The following PTPRD variants were observed in gnomAD, a reference collection of about 807,000 sequenced individuals.
PTPRD encodes protein tyrosine phosphatase receptor type D.
Under a neutral mutation model 214.5 loss-of-function variants are expected in PTPRD, and 34 were observed. That is an observed-to-expected ratio of 0.16 (90% CI 0.12 to 0.21). The LOEUF (loss-of-function observed/expected upper bound fraction) is 0.21. Among genes scored for constraint, PTPRD ranks in the 10% least tolerant of loss-of-function variants. The pLI, the probability that PTPRD is intolerant of heterozygous loss-of-function variation, is 1.00. For missense variants in PTPRD, 2,545 were observed against 2,398.7 expected, an observed-to-expected ratio of 1.06 and a Z score of -1.27; for synonymous variants, 1,128 against 845.7, an observed-to-expected ratio of 1.33 and a Z score of -5.79.
At chr9:9,138,227 T>G (rs10119008) in intron 10 of PTPRD, among the ~76,000 whole-genome samples, 8,349 of 151,986 alleles carry the variant, frequency 0.055, 493 homozygotes, top group African/African-American at 0.13. Context: ...AATAGCAAAA[T>G]CAATTATATT....
chr9:10,116,303 A>G (rs1563916020), intron 3 of PTPRD, among the ~76,000 whole-genome samples: 1 of 152,110 alleles, frequency 6.6e-6, no homozygotes, highest in Non-Finnish European at 1.5e-5. Flanking sequence ...GACTAAGTAC[A>G]ATACTAATAT....
intron 7 of PTPRD, among the ~76,000 whole-genome samples, chr9:9,644,288 G>T (rs184230541): frequency 2.0e-5 from 3 of 152,116 alleles, no homozygotes; most frequent in African/African-American, 7.2e-5. Flanking sequence ...ACTGGGAGGG[G>T]AAGAGGAAGG....
At chr9:8,493,611 G>C (rs1054202004) in intron 26 of PTPRD, among the ~76,000 whole-genome samples, 1 of 152,062 alleles carries the variant, frequency 6.6e-6, no homozygotes, top group Non-Finnish European at 1.5e-5. Context: ...CATTTTTATT[G>C]GTTATTTGTA....
At chr9:9,496,749 G>A (rs529451331) in intron 8 of PTPRD, among the ~76,000 whole-genome samples, 142 of 152,184 alleles carry the variant, frequency 9.3e-4, no homozygotes, top group African/African-American at 3.3e-3. Context: ...TCTACTGCTG[G>A]AAATATATCA....
At chr9:9,461,572 T>C (rs1049430176) in intron 8 of PTPRD, among the ~76,000 whole-genome samples, 4 of 152,104 alleles carry the variant, frequency 2.6e-5, no homozygotes, top group Admixed American at 6.6e-5. Flanking sequence ...TTGAGGGTAT[T>C]TGAACCATCT....
intron 6 of PTPRD, among the ~76,000 whole-genome samples, chr9:9,763,887 T>C (rs554857102): frequency 4.6e-5 from 7 of 152,312 alleles, no homozygotes; most frequent in African/African-American, 1.7e-4. Context: ...ATATTATGCA[T>C]TCTTGACGAC....
chr9:9,496,140 C>G lies in PTPRD; in HGVS notation c.-237+78592G>C, dbSNP rs1027035117. Among the ~76,000 whole-genome samples the G allele has an allele frequency of 4.6e-5, 7 of 152,140 alleles. 1 individual carries two copies. Among genetic ancestry groups the G allele is most frequent in the African/African-American group, 1.7e-4 (7 of 41,436 alleles). On this transcript the variant is annotated intron_variant, in intron 8 of 45. Coordinates refer to ENST00000381196, the MANE Select transcript of PTPRD (RefSeq NM_002839.4). ...AAAATCCTGTCTCAATGTGTCACAA[C>G]TTTTGATTTGACAGTGTTTTCTTGG...
At chr9:9,193,799 G>T (rs1213678965) in intron 9 of PTPRD, among the ~76,000 whole-genome samples, 1 of 152,022 alleles carries the variant, frequency 6.6e-6, no homozygotes, top group East Asian at 1.9e-4. Context: ...GAAGGCCTAG[G>T]ACATTACTGT....
At chr9:9,972,675 AG>A (rs1264661507) in intron 4 of PTPRD, among the ~76,000 whole-genome samples, 38 of 152,300 alleles carry the variant, frequency 2.5e-4, no homozygotes, top group African/African-American at 8.7e-4. Flanking sequence ...TCAAGGTGTC[AG>A]CAAAGCTGGT....
chr9:9,783,148 T>A lies in PTPRD; in HGVS notation c.-367-16297A>T, dbSNP rs575094881. ...AAACTTTTCTCCCACGCAACAGTAATTCTTAAAGTTTATTTAGAAAAGTAA... is the reference window on the plus strand; with the variant it reads ...AAACTTTTCTCCCACGCAACAGTAAATCTTAAAGTTTATTTAGAAAAGTAA... On this transcript the variant is annotated intron_variant, in intron 5 of 45. Coordinates refer to ENST00000381196, the MANE Select transcript of PTPRD (RefSeq NM_002839.4). 2.0e-4 allele frequency among the ~76,000 whole-genome samples: 31 copies of A among 152,362 alleles called. 1 individual carries two copies. The highest frequency in any genetic ancestry group is 3.4e-3 in the Middle Eastern group (1 of 294).
chr9:8,899,882 A>C (rs1192824899), intron 11 of PTPRD, among the ~76,000 whole-genome samples: 1 of 152,230 alleles, frequency 6.6e-6, no homozygotes, highest in Non-Finnish European at 1.5e-5. Context: ...AAGAGCAACA[A>C]GTATTTGTTA....
At chr9:10,130,994 G>A (rs73641856) in intron 3 of PTPRD, among the ~76,000 whole-genome samples, 7,008 of 152,132 alleles carry the variant, frequency 0.046, 538 homozygotes, top group African/African-American at 0.16. Context: ...AGCTCTATAA[G>A]CTACCATCAA....
intron 9 of PTPRD, among the ~76,000 whole-genome samples, chr9:9,233,949 A>C (rs2099964845): frequency 1.3e-5 from 2 of 152,040 alleles, no homozygotes; most frequent in Non-Finnish European, 2.9e-5. Context: ...CTGTCAGTGG[A>C]TCTAGCATCC....
chr9:8,722,374 AC>A, intron 12 of PTPRD, among the ~76,000 whole-genome samples: 1 of 152,234 alleles, frequency 6.6e-6, no homozygotes, highest in East Asian at 1.9e-4. Context: ...CTGGTTACTA[AC>A]ACCATGTACT....
At chr9:10,497,513 T>C (rs78867502) in intron 2 of PTPRD, among the ~76,000 whole-genome samples, 1 of 152,058 alleles carries the variant, frequency 6.6e-6, no homozygotes, top group Non-Finnish European at 1.5e-5. Flanking sequence ...TTTTCAGACA[T>C]ATATAAATGT....
intron 11 of PTPRD, among the ~76,000 whole-genome samples, chr9:8,917,463 T>C (rs1163268602): frequency 6.6e-6 from 1 of 152,016 alleles, no homozygotes; most frequent in Non-Finnish European, 1.5e-5. Context: ...TCTATTTTCC[T>C]CTTTGCTCTG....
intron 2 of PTPRD, among the ~76,000 whole-genome samples, chr9:10,542,725 T>C (rs1255842567): frequency 3.3e-5 from 5 of 152,090 alleles, no homozygotes; most frequent in African/African-American, 1.2e-4. Flanking sequence ...AACTAATTTA[T>C]TTATTTTTTT....
intron 5 of PTPRD, among the ~76,000 whole-genome samples, chr9:9,921,453 C>T (rs986742868): frequency 6.6e-6 from 1 of 151,774 alleles, no homozygotes; most frequent in Non-Finnish European, 1.5e-5. Flanking sequence ...CTATGACACT[C>T]ACACATATAA....
At chr9:9,287,835 C>A (rs1378847583) in intron 9 of PTPRD, among the ~76,000 whole-genome samples, 1 of 151,778 alleles carries the variant, frequency 6.6e-6, no homozygotes, top group Admixed American at 6.6e-5. Context: ...CTATAGGAAA[C>A]AACCTTGACA....
Sources: gnomAD v4.1 joint callset for allele counts (sites outside exome capture counted in the v4.1 genomes callset) on GRCh38, gnomAD v4.1.1 for gene constraint, MANE v1.5 for transcripts, NCBI Gene and HGNC (gene_info 2026-07-23, HGNC 2026-07-21) for gene names.